Variants in CREBBP observed in about 807,000 individuals in gnomAD.
CREBBP encodes the protein CREB binding lysine acetyltransferase.
In CREBBP, 19 loss-of-function variants were observed where a neutral mutation model predicts 265.0. The observed-to-expected ratio is 0.07, with a 90% CI of 0.05 to 0.11. The LOEUF is 0.11. Among genes scored for constraint, CREBBP ranks in the 10% least tolerant of loss-of-function variants. The pLI is 1.00. For synonymous variants in CREBBP, 1,457 were observed against 1,223.7 expected, an observed-to-expected ratio of 1.19 and a Z score of -3.98; for missense variants, 2,525 against 3,219.0, an observed-to-expected ratio of 0.78 and a Z score of 5.22.
chr16:3,793,695 T>C, intron 3 of CREBBP, 69 bp from the exon 4 acceptor site: 1 of 1,557,232 alleles, frequency 6.4e-7, no homozygotes, highest in Non-Finnish European at 8.7e-7. Context: ...ATTAATTATT[T>C]CTCAAACAAA....
At chr16:3,849,439 G>GACC (rs2054760577) in intron 2 of CREBBP, among the ~76,000 whole-genome samples, 2 of 17,218 alleles carry the variant, frequency 1.2e-4, no homozygotes, top group African/African-American at 2.1e-4. Context: ...GTGTGTGTGT[G>GACC]TGTGTGTGTG....
chr16:3,751,272 T>A (rs1458454227), intron 20 of CREBBP, among the ~76,000 whole-genome samples: 1 of 152,142 alleles, frequency 6.6e-6, no homozygotes, highest in Non-Finnish European at 1.5e-5. Flanking sequence ...CGTATACACA[T>A]ATTCAAATTA....
chr16:3,780,845 G>A lies in CREBBP; in HGVS notation c.1710C>T (p.Asn570=), dbSNP rs775492206. The change falls in exon 8 of 31, where the codon AAC becomes AAT. Residue 570 remains asparagine, a synonymous_variant. Transcript: ENST00000262367. ...PLMNDGSNSG[N]IGTLSTIPTA... The stretch of plus-strand genomic sequence containing the variant: ...TTGGTATAGTGCTGAGGGTTCCAAT[G>A]TTACCAGAGTTGGAGCCATCGTTCA... The A allele has an allele frequency of 1.9e-6, 3 of 1,613,684 alleles. No homozygotes were observed. The highest frequency in any genetic ancestry group is 2.5e-6 in the Non-Finnish European group (3 of 1,180,010).
At chr16:3,809,391 T>G (rs1327287341) in intron 3 of CREBBP, among the ~76,000 whole-genome samples, 1 of 152,108 alleles carries the variant, frequency 6.6e-6, no homozygotes, top group Admixed American at 6.5e-5. Flanking sequence ...TTGGCCAGCC[T>G]GGCCTCGAAC....
At chr16:3,751,909 A>AGG (rs1001597566) in intron 19 of CREBBP, 103 bp from the exon 20 acceptor site, 1 of 1,088,564 alleles carries the variant, frequency 9.2e-7, no homozygotes, top group Non-Finnish European at 1.4e-6. Context: ...ACCACGACGA[A>AGG]GGGGGGGCGT....
chr16:3,784,262 T>TG (rs1162510004), intron 5 of CREBBP, among the ~76,000 whole-genome samples: 1 of 152,112 alleles, frequency 6.6e-6, no homozygotes, highest in African/African-American at 2.4e-5. Flanking sequence ...CTAAAATGTG[T>TG]GAAAAAAAAT....
chr16:3,757,780 T>C, intron 18 of CREBBP, 29 bp downstream of exon 18: 2 of 1,612,868 alleles, frequency 1.2e-6, no homozygotes, highest in Non-Finnish European at 1.7e-6. Context: ...CCAGGAAAAT[T>C]CACTTTCCGG....
rs2141252582 is a variant in CREBBP at position 3,782,816 on chromosome 16, T to C, written c.1441A>G (p.Met481Val). The C allele has an allele frequency of 6.2e-7, 1 of 1,614,132 alleles. No homozygotes were observed. Residue 481 changes from methionine to valine, a missense_variant, in exon 6 of 31, where the codon ATG (methionine) becomes GTG (valine). Around this residue, in one of 19 missense-constraint regions of CREBBP, gnomAD observed 48 missense variants for 70.2 expected, o/e 0.68. Transcript: ENST00000262367. ...CCGAGAGCAGCATAGGCTCGCTGCA[T>C]GGAGCTGGGGTCTATGGGATTTGGG... ...SNPNPIDPSS[M>V]QRAYAALGLP...
At chr16:3,772,429 T>G (rs1041462010) in intron 13 of CREBBP, among the ~76,000 whole-genome samples, 1 of 151,750 alleles carries the variant, frequency 6.6e-6, no homozygotes, top group Non-Finnish European at 1.5e-5. Flanking sequence ...CACTTCAGAA[T>G]TATTTGTGAA....
chr16:3,762,766 T>A lies in CREBBP; in HGVS notation c.3251-3794A>T, dbSNP rs2151392561. Among the ~76,000 whole-genome samples the A allele has an allele frequency of 3.9e-5, 6 of 151,914 alleles. No individual in the cohort carries two copies. The South Asian group carries it at 1.2e-3, about 32-fold the overall frequency. On this transcript the variant is annotated intron_variant, in intron 16 of 30. Transcript: ENST00000262367. The stretch of plus-strand genomic sequence containing the variant: ...AAAAATAAAAAACTCAGTTCCTCGG[T>A]CACCCTGGTCACATTTTTATTTTTT...
chr16:3,808,372 AGAG>A (rs2053873013), intron 3 of CREBBP, among the ~76,000 whole-genome samples: 1 of 152,240 alleles, frequency 6.6e-6, no homozygotes, highest in Non-Finnish European at 1.5e-5. Flanking sequence ...ATCATGGCTT[AGAG>A]GAGAAGGCTG....
intron 3 of CREBBP, among the ~76,000 whole-genome samples, chr16:3,801,274 A>G (rs771137523): frequency 1.1e-4 from 16 of 152,234 alleles, no homozygotes; most frequent in Non-Finnish European, 2.4e-4. Context: ...ACAGGACCAA[A>G]GCAACTCAAA....
chr16:3,760,371 C>A (rs996245164), intron 16 of CREBBP, among the ~76,000 whole-genome samples: 7 of 146,002 alleles, frequency 4.8e-5, no homozygotes, highest in African/African-American at 1.5e-4. Flanking sequence ...AGATTACGGG[C>A]ACTAAGCTAT....
intron 2 of CREBBP, among the ~76,000 whole-genome samples, chr16:3,849,457 GTGT>G (rs2141484464): frequency 8.2e-6 from 1 of 122,336 alleles, no homozygotes; most frequent in Non-Finnish European, 1.8e-5. Flanking sequence ...GTGTGTGTGT[GTGT>G]GTGTGTGTGT....
At chr16:3,868,637 A>C (rs573039943) in intron 1 of CREBBP, among the ~76,000 whole-genome samples, 56 of 151,976 alleles carry the variant, frequency 3.7e-4, no homozygotes, top group African/African-American at 1.3e-3. Context: ...TGCTCTACTC[A>C]CCCTCAATGA....
chr16:3,851,134 T>C (rs1228323234), intron 1 of CREBBP, 125 bp from the exon 2 acceptor site: 2 of 799,812 alleles, frequency 2.5e-6, no homozygotes, highest in Non-Finnish European at 2.1e-6. Context: ...TTAAGAGTCA[T>C]GTCATTAGCT....
intron 2 of CREBBP, among the ~76,000 whole-genome samples, chr16:3,813,546 T>C (rs2053977911): frequency 6.6e-6 from 1 of 152,244 alleles, no homozygotes; most frequent in Non-Finnish European, 1.5e-5. Flanking sequence ...GCTGAAACAT[T>C]GTTCTTAGAA....
In CREBBP at chr16:3,880,002, G is replaced by T; in HGVS notation, c.-86C>A. The T allele has an allele frequency of 8.2e-7, 1 of 1,215,318 alleles. No homozygotes were observed. Among genetic ancestry groups the T allele is most frequent in the Non-Finnish European group, 1.1e-6 (1 of 922,042 alleles). 75.3% of individuals were successfully genotyped at this position (1,215,318 alleles called of 1,614,324 possible). On this transcript the variant is annotated 5_prime_UTR_variant, in exon 1 of 31. Coordinates refer to ENST00000262367, the MANE Select transcript of CREBBP (RefSeq NM_004380.3). ...GGGGGTCGGGGGCCCTGCCGGCTGC[G>T]AGGGAGAGGAGCGAGCGCGGGCCGC...
intron 1 of CREBBP, among the ~76,000 whole-genome samples, chr16:3,855,591 G>A (rs1355792854): frequency 6.6e-6 from 1 of 152,132 alleles, no homozygotes; most frequent in Non-Finnish European, 1.5e-5. Flanking sequence ...AAGAATAGAG[G>A]CCAGTTGTTA....
Sources: allele counts gnomAD v4.1 joint callset (sites outside exome capture counted in the v4.1 genomes callset), GRCh38; gene constraint gnomAD v4.1.1; regional missense constraint gnomAD v4.1.1; transcripts MANE v1.5; gene names NCBI Gene and HGNC (gene_info 2026-07-23, HGNC 2026-07-21).